GRIK1: variants seen among roughly 807,000 people sequenced by gnomAD.
GRIK1 encodes glutamate receptor ionotropic, kainate 1.
GRIK1 carries 69 observed loss-of-function variants against 105.7 expected under a neutral mutation model. That is an observed-to-expected ratio of 0.65 (90% CI 0.54 to 0.80). GRIK1 has a LOEUF of 0.80. Among genes scored for constraint, GRIK1 ranks in the 30% least tolerant of loss-of-function variants. The pLI, the probability that GRIK1 is intolerant of heterozygous loss-of-function variation, is 0.00. For missense variants in GRIK1, 1,109 were observed against 1,167.3 expected (o/e 0.95, Z 0.73); for synonymous variants, 438 against 431.3 (o/e 1.02, Z -0.19).
intron 1 of GRIK1, among the ~76,000 whole-genome samples, chr21:29,705,415 G>A (rs1328330071): frequency 1.3e-5 from 2 of 152,192 alleles, no homozygotes; most frequent in Non-Finnish European, 2.9e-5. Flanking sequence ...AACAATTTGA[G>A]TGTTTAACTC....
intron 1 of GRIK1, among the ~76,000 whole-genome samples, chr21:29,717,787 G>A (rs1271173156): frequency 1.3e-5 from 2 of 152,174 alleles, no homozygotes; most frequent in Non-Finnish European, 2.9e-5. Flanking sequence ...TGTTGGAAAG[G>A]CATGATCATG....
At chr21:29,543,473 T>G (rs1020071166) in intron 16 of GRIK1, among the ~76,000 whole-genome samples, 6 of 152,174 alleles carry the variant, frequency 3.9e-5, no homozygotes, top group African/African-American at 1.4e-4. Flanking sequence ...TAGTTTTATG[T>G]GTACTACCCT....
chr21:29,681,845 A>G (rs1296529380), intron 3 of GRIK1, among the ~76,000 whole-genome samples: 1 of 152,192 alleles, frequency 6.6e-6, no homozygotes, highest in Non-Finnish European at 1.5e-5. Flanking sequence ...TTGTGGAATG[A>G]CAGACTCTGA....
intron 3 of GRIK1, among the ~76,000 whole-genome samples, chr21:29,685,971 T>C (rs1322218890): frequency 6.6e-6 from 1 of 152,228 alleles, no homozygotes; most frequent in Non-Finnish European, 1.5e-5. Flanking sequence ...CCCTGACCCA[T>C]GCTCAGGAGG....
chr21:29,890,128 C>A (rs1569193672), intron 1 of GRIK1, among the ~76,000 whole-genome samples: 1 of 151,982 alleles, frequency 6.6e-6, no homozygotes, highest in Non-Finnish European at 1.5e-5. Context: ...GCATTATTTA[C>A]CTCCCCAATT....
intron 6 of GRIK1, among the ~76,000 whole-genome samples, chr21:29,645,479 C>T (rs954049899): frequency 6.6e-6 from 1 of 152,154 alleles, no homozygotes; most frequent in Admixed American, 6.5e-5. Context: ...GATGGGCATT[C>T]TTTCTCAAGG....
chr21:29,703,627 T>A (rs2063852911), intron 1 of GRIK1, among the ~76,000 whole-genome samples: 1 of 152,258 alleles, frequency 6.6e-6, no homozygotes. Flanking sequence ...CAAAACATTC[T>A]TGGTAAAGAT....
chr21:29,699,228 TC>T (rs2063767419), intron 1 of GRIK1, among the ~76,000 whole-genome samples: 1 of 152,302 alleles, frequency 6.6e-6, no homozygotes, highest in South Asian at 2.1e-4. Context: ...AATTGCATCC[TC>T]CCTCAAATTT....
At chr21:29,600,273 C>G (rs2061495082) in intron 7 of GRIK1, among the ~76,000 whole-genome samples, 1 of 152,110 alleles carries the variant, frequency 6.6e-6, no homozygotes, top group Admixed American at 6.5e-5. Context: ...ACATGGGTAA[C>G]TTTTGAGGGT....
intron 1 of GRIK1, among the ~76,000 whole-genome samples, chr21:29,873,690 C>G (rs2069096447): frequency 6.6e-6 from 1 of 152,166 alleles, no homozygotes; most frequent in Non-Finnish European, 1.5e-5. Flanking sequence ...AAATATTGAT[C>G]TAGTTTATTG....
intron 8 of GRIK1, among the ~76,000 whole-genome samples, chr21:29,596,971 A>AACACAC (rs3831784): frequency 6.6e-6 from 1 of 151,002 alleles, no homozygotes; most frequent in East Asian, 1.9e-4. Flanking sequence ...CACACACACA[A>AACACAC]ACACACACAC....
At chr21:29,683,346 T>G (rs1414415311) in intron 3 of GRIK1, among the ~76,000 whole-genome samples, 1 of 152,250 alleles carries the variant, frequency 6.6e-6, no homozygotes, top group East Asian at 1.9e-4. Context: ...ACAGCACTAT[T>G]CACAATAGCA....
chr21:29,554,939 T>A, intron 16 of GRIK1, 113 bp downstream of exon 16: 1 of 869,350 alleles, frequency 1.2e-6, no homozygotes, highest in Non-Finnish European at 1.8e-6. Context: ...AAATGGCTCT[T>A]CTGGGCATCT....
chr21:29,560,743 A>T (rs1287040485), intron 15 of GRIK1, among the ~76,000 whole-genome samples: 1 of 151,324 alleles, frequency 6.6e-6, no homozygotes, highest in Non-Finnish European at 1.5e-5. Context: ...CTGGGACTAT[A>T]GGCACATGGC....
At position 29,672,979 on chromosome 21, in the gene GRIK1, T is replaced by C; in HGVS notation, c.726+4A>G. 6.2e-7 allele frequency: 1 copy of C among 1,607,128 alleles called. No individual in the cohort carries two copies. The highest frequency in any genetic ancestry group is 8.5e-7 in the Non-Finnish European group (1 of 1,175,566). ...CACCTCCACCTCCTCCCTAGCCCTC[T>C]TACCTGCTTAAGGATTTCAGCGGCT... On this transcript the variant is annotated splice_donor_region_variant and intron_variant, in intron 4 of 17. Coordinates refer to ENST00000327783, the MANE Select transcript of GRIK1 (RefSeq NM_001330994.2).
At chr21:29,620,802 TATAG>T (rs1555851180) in intron 7 of GRIK1, among the ~76,000 whole-genome samples, 27 of 127,414 alleles carry the variant, frequency 2.1e-4, no homozygotes, top group African/African-American at 8.0e-4. Flanking sequence ...TCTATATATA[TATAG>T]ATATATATAT....
rs1555898508 is a variant in GRIK1, at chr21:29,848,779, A to ATTTT, written c.118+90600_118+90603dup. 4.6e-3 allele frequency among the ~76,000 whole-genome samples: 361 copies of ATTTT among 77,846 alleles called. 4 individuals are homozygous for ATTTT. Among genetic ancestry groups the ATTTT allele is most frequent in the Middle Eastern group, 0.013 (1 of 78 alleles). 51.1% of individuals were successfully genotyped at this position (77,846 alleles called of 152,430 possible). A position where few individuals can be genotyped will look rare whatever the true frequency, so the allele number is the denominator to read the frequency against. On this transcript the variant is annotated intron_variant, in intron 1 of 17. Coordinates refer to ENST00000327783, the MANE Select transcript of GRIK1 (RefSeq NM_001330994.2). ...TGTATATATATATATATATATATAT[A>ATTTT]TTTTTTTTTTTTTCCACGATCTTCA...
chr21:29,579,799 T>C (rs1285375682), intron 13 of GRIK1, among the ~76,000 whole-genome samples: 1 of 151,906 alleles, frequency 6.6e-6, no homozygotes. Context: ...AGACACTGCA[T>C]CCCACAGTGT....
At chr21:29,631,781 TAA>T (rs972335652) in intron 7 of GRIK1, among the ~76,000 whole-genome samples, 3 of 152,240 alleles carry the variant, frequency 2.0e-5, no homozygotes, top group African/African-American at 7.2e-5. Context: ...TTAAATAAAA[TAA>T]GTTATTAAAA....
Sources: allele counts gnomAD v4.1 joint callset (sites outside exome capture counted in the v4.1 genomes callset), GRCh38; gene constraint gnomAD v4.1.1; transcripts MANE v1.5; gene names NCBI Gene and HGNC (gene_info 2026-07-23, HGNC 2026-07-21).